HIVEP3: variants seen among roughly 807,000 people sequenced by gnomAD.
HIVEP3 encodes HIVEP zinc finger 3, also known as transcription factor HIVEP3.
Under a neutral mutation model 152.8 loss-of-function variants are expected in HIVEP3, and 49 were observed. The observed-to-expected ratio is 0.32, with a 90% CI of 0.26 to 0.41. The LOEUF (loss-of-function observed/expected upper bound fraction) is 0.41, where lower values mean the gene tolerates loss of function less well. Among genes scored for constraint, HIVEP3 ranks in the 10% least tolerant of loss-of-function variants. The pLI, the probability that HIVEP3 is intolerant of heterozygous loss-of-function variation, is 1.00. For missense variants in HIVEP3, 2,790 were observed against 3,103.3 expected, an observed-to-expected ratio of 0.90 and a Z score of 2.40; for synonymous variants, 1,269 against 1,289.0, an observed-to-expected ratio of 0.98 and a Z score of 0.33.
intron 5 of HIVEP3, among the ~76,000 whole-genome samples, chr1:41,544,835 C>CTCT (rs201832002): frequency 3.3e-5 from 4 of 121,302 alleles, no homozygotes; most frequent in South Asian, 2.8e-4. Flanking sequence ...CCACCATCAC[C>CTCT]ACCACCACTA....
intron 2 of HIVEP3, among the ~76,000 whole-genome samples, chr1:41,674,785 G>A (rs750266439): frequency 2.0e-4 from 30 of 152,126 alleles, no homozygotes; most frequent in Non-Finnish European, 3.4e-4. Flanking sequence ...GGTCAATTAC[G>A]TTGGGAAAAC....
intron 1 of HIVEP3, among the ~76,000 whole-genome samples, chr1:41,941,293 G>A (rs544545340): frequency 5.3e-4 from 81 of 152,252 alleles, no homozygotes; most frequent in Non-Finnish European, 9.8e-4. Flanking sequence ...TCTACTAATG[G>A]GAATGATCCA....
intron 5 of HIVEP3, among the ~76,000 whole-genome samples, chr1:41,534,295 C>A (rs1643343621): frequency 6.6e-6 from 1 of 152,164 alleles, no homozygotes; most frequent in Non-Finnish European, 1.5e-5. Context: ...AGGGCACCAT[C>A]TGCCCTTGCC....
chr1:41,949,554 A>G (rs1343416026), intron 1 of HIVEP3, among the ~76,000 whole-genome samples: 1 of 152,212 alleles, frequency 6.6e-6, no homozygotes, highest in Admixed American at 6.5e-5. Flanking sequence ...ATCGTCACCG[A>G]GAAAGTTAAA....
Position 41,582,325 on chromosome 1 carries a change from G to C in HIVEP3, c.2473C>G (p.Leu825Val). 6.2e-7 allele frequency: 1 copy of C among 1,614,198 alleles called. No individual in the cohort carries two copies. Among genetic ancestry groups the C allele is most frequent in the South Asian group, 1.1e-5 (1 of 91,078 alleles). ...GGTGGGGGTGATGGGAACTGGGCCAGAGGTTTGTCTTCCCCTTCCAAGCCA... is the reference window on the plus strand; with the variant it reads ...GGTGGGGGTGATGGGAACTGGGCCACAGGTTTGTCTTCCCCTTCCAAGCCA... ...PSGLEGEDKPLAQFPSPPPAP... is the reference protein window; with the variant it reads ...PSGLEGEDKPVAQFPSPPPAP... The change falls in exon 4 of 9, where the codon CTG becomes GTG. Residue 825 changes from leucine (L) to valine (V), a missense_variant. By Grantham distance (32) the Leu-to-Val change is conservative. This residue lies in a region of HIVEP3 where 1,078 missense variants were observed against 1,165.3 expected (regional missense o/e 0.93). Transcript: ENST00000372583. The surrounding 1 kb of genome is among the most constrained non-coding windows in gnomAD (Gnocchi z 4.7).
chr1:41,881,105 T>C (rs577723249), intron 1 of HIVEP3, among the ~76,000 whole-genome samples: 18 of 152,256 alleles, frequency 1.2e-4, no homozygotes, highest in East Asian at 5.8e-4. Context: ...CTGTAGTATA[T>C]AGAGGATGAT....
chr1:41,829,771 A>T (rs1325584891), intron 1 of HIVEP3, among the ~76,000 whole-genome samples: 2 of 151,588 alleles, frequency 1.3e-5, no homozygotes, highest in Admixed American at 6.6e-5. Flanking sequence ...GCCTTTTTTA[A>T]AAAAAAATGT....
rs112555323 is a variant in HIVEP3 at position 41,700,031 on chromosome 1, C to T, written c.-721+885G>A. On this transcript the variant is annotated intron_variant, in intron 2 of 8. Transcript: ENST00000372583. ...GAATGCTCTTCTTCCATTTTTCACCCGGTGAACTTCTATTCATCCTTCAAA... is the reference window on the plus strand; with the variant it reads ...GAATGCTCTTCTTCCATTTTTCACCTGGTGAACTTCTATTCATCCTTCAAA... 6.5e-3 allele frequency among the ~76,000 whole-genome samples: 996 copies of T among 152,222 alleles called. 15 individuals are homozygous for T. Among genetic ancestry groups the T allele is most frequent in the African/African-American group, 0.023 (957 of 41,538 alleles).
At chr1:41,876,826 A>C (rs1342234827) in intron 1 of HIVEP3, among the ~76,000 whole-genome samples, 1 of 152,200 alleles carries the variant, frequency 6.6e-6, no homozygotes. Context: ...AATATGTTAC[A>C]TCTTGTCTAC....
intron 1 of HIVEP3, among the ~76,000 whole-genome samples, chr1:41,791,121 TACACACAC>T (rs60729364): frequency 0.021 from 2,893 of 140,788 alleles, 36 homozygotes; most frequent in African/African-American, 0.041. Context: ...CACACATGTG[TACACACAC>T]ACACACACAC....
intron 1 of HIVEP3, among the ~76,000 whole-genome samples, chr1:41,822,678 G>A (rs1232939287): frequency 1.3e-5 from 2 of 152,134 alleles, no homozygotes; most frequent in Non-Finnish European, 1.5e-5. Flanking sequence ...CCAGATTTGG[G>A]GGTTATCAGT....
intron 1 of HIVEP3, among the ~76,000 whole-genome samples, chr1:41,730,828 G>C (rs943108946): frequency 9.2e-5 from 14 of 152,268 alleles, no homozygotes; most frequent in Middle Eastern, 3.4e-3. Flanking sequence ...TGGGGGGTGG[G>C]GCAAGAGGAC....
At chr1:41,929,726 T>TTATATATATA (rs55663663) in intron 1 of HIVEP3, among the ~76,000 whole-genome samples, 12 of 112,816 alleles carry the variant, frequency 1.1e-4, no homozygotes, top group South Asian at 3.0e-4. Flanking sequence ...ATATGTGTTT[T>TTATATATATA]TATATATATA....
At chr1:41,859,268 C>T (rs894385536) in intron 1 of HIVEP3, among the ~76,000 whole-genome samples, 1 of 151,964 alleles carries the variant, frequency 6.6e-6, no homozygotes, top group Non-Finnish European at 1.5e-5. Flanking sequence ...CCATGCCCAG[C>T]CTATAGAAAG....
chr1:41,845,297 T>C (rs532961887), intron 1 of HIVEP3, among the ~76,000 whole-genome samples: 2 of 152,092 alleles, frequency 1.3e-5, no homozygotes, highest in African/African-American at 4.8e-5. Context: ...TCTACAATAG[T>C]GTCTGACACA....
chr1:41,811,504 A>G (rs1290671851), intron 1 of HIVEP3, among the ~76,000 whole-genome samples: 2 of 152,050 alleles, frequency 1.3e-5, no homozygotes, highest in Admixed American at 6.5e-5. Context: ...TGCATTAATT[A>G]TCAGTTACAT....
intron 1 of HIVEP3, among the ~76,000 whole-genome samples, chr1:41,867,376 T>G (rs1287616454): frequency 1.3e-5 from 2 of 152,166 alleles, no homozygotes; most frequent in Non-Finnish European, 2.9e-5. Flanking sequence ...CATCCTTAGT[T>G]TGAGGTGCCA....
chr1:41,539,705 G>C (rs951815866), intron 5 of HIVEP3, among the ~76,000 whole-genome samples: 1 of 152,174 alleles, frequency 6.6e-6, no homozygotes, highest in Non-Finnish European at 1.5e-5. Context: ...CCAGGCCCTC[G>C]CTATGTGCCA....
intron 2 of HIVEP3, 81 bp from the exon 3 acceptor site, chr1:41,629,028 C>T: frequency 9.3e-7 from 1 of 1,079,982 alleles, no homozygotes; most frequent in Middle Eastern, 3.5e-4. Flanking sequence ...CTGCCTGGTC[C>T]CTGGAGGACA....
Sources: gnomAD v4.1 joint callset for allele counts (sites outside exome capture counted in the v4.1 genomes callset) on GRCh38, gnomAD v4.1.1 for gene constraint, gnomAD v4.1.1 regional missense constraint, Gnocchi (gnomAD v3.1) non-coding constraint, MANE v1.5 for transcripts, NCBI Gene and HGNC (gene_info 2026-07-23, HGNC 2026-07-21) for gene names.